Variants in IGF2BP2 observed in about 807,000 individuals in gnomAD.
IGF2BP2 encodes the protein insulin like growth factor 2 mRNA binding protein 2.
In IGF2BP2, 17 loss-of-function variants were observed where a neutral mutation model predicts 75.8. The ratio of observed to expected loss-of-function variants is 0.22; its 90% confidence interval spans 0.15 to 0.34. IGF2BP2 has a LOEUF of 0.34. Among genes scored for constraint, IGF2BP2 ranks in the 10% least tolerant of loss-of-function variants. IGF2BP2 has a pLI of 1.00. For synonymous variants in IGF2BP2, 288 were observed against 295.6 expected (o/e 0.97, Z 0.26); for missense variants, 516 against 772.4 (o/e 0.67, Z 3.93).
intron 12 of IGF2BP2, among the ~76,000 whole-genome samples, chr3:185,656,428 C>T (rs1715444141): frequency 1.3e-5 from 2 of 152,222 alleles, no homozygotes; most frequent in South Asian, 4.1e-4. Context: ...TTTTGTTTTT[C>T]CTCTAGCACA....
In IGF2BP2 at chr3:185,646,257, G is replaced by A. The variant is rs114691789; in HGVS notation, c.1708-634C>T. Among the ~76,000 whole-genome samples the A allele has an allele frequency of 3.1e-3, 476 of 152,270 alleles. 5 individuals are homozygous for A. The highest frequency in any genetic ancestry group is 0.011 in the African/African-American group (448 of 41,558). On this transcript the variant is annotated intron_variant, in intron 15 of 15. Coordinates refer to ENST00000382199, the MANE Select transcript of IGF2BP2 (RefSeq NM_006548.6). Reference sequence around the variant, plus strand: ...GAAGACTCAAGTGAGAATTTCAAAGGGCACTGGGCGGGGGGTGCGTGTGTG... The same window carrying A: ...GAAGACTCAAGTGAGAATTTCAAAGAGCACTGGGCGGGGGGTGCGTGTGTG...
At chr3:185,811,948 C>CT (rs1480028423) in intron 2 of IGF2BP2, among the ~76,000 whole-genome samples, 1 of 151,758 alleles carries the variant, frequency 6.6e-6, no homozygotes, top group East Asian at 1.9e-4. Context: ...ATTCCAAGGA[C>CT]TTTCAGGACT....
At chr3:185,669,268 A>C (rs1718144442) in intron 10 of IGF2BP2, among the ~76,000 whole-genome samples, 2 of 152,154 alleles carry the variant, frequency 1.3e-5, no homozygotes, top group South Asian at 4.1e-4. Context: ...CTGAGGAAAT[A>C]ATTGGATAAA....
intron 2 of IGF2BP2, among the ~76,000 whole-genome samples, chr3:185,773,463 T>A (rs1213409735): frequency 6.6e-6 from 1 of 152,204 alleles, no homozygotes; most frequent in African/African-American, 2.4e-5. Context: ...GAAATATACA[T>A]GAATAGATAA....
chr3:185,769,957 T>G (rs867426585), intron 2 of IGF2BP2, among the ~76,000 whole-genome samples: 7 of 152,144 alleles, frequency 4.6e-5, no homozygotes, highest in African/African-American at 1.7e-4. Flanking sequence ...CTTTTCACAT[T>G]TTATCTCTAA....
chr3:185,745,878 GA>G (rs888781143), intron 2 of IGF2BP2, among the ~76,000 whole-genome samples: 114 of 140,512 alleles, frequency 8.1e-4, no homozygotes, highest in Admixed American at 9.9e-4. Context: ...TTGTACATAA[GA>G]AAAAAAAAAA....
rs536925010 is a variant in IGF2BP2, at chr3:185,758,163, G to A, written c.240-59816C>T. ...ATATAGGCAGTCTCTGCCTTCATACGTTCATGCAACAAAACATGGGTACTG... is the reference window on the plus strand; with the variant it reads ...ATATAGGCAGTCTCTGCCTTCATACATTCATGCAACAAAACATGGGTACTG... On this transcript the variant is annotated intron_variant, in intron 2 of 15. Transcript: ENST00000382199. Among the ~76,000 whole-genome samples the A allele has an allele frequency of 1.9e-4, 29 of 152,266 alleles. No homozygotes were observed. In the South Asian group the frequency reaches 2.3e-3, roughly 12 times the overall value.
chr3:185,709,451 T>C (rs961813902), intron 2 of IGF2BP2, among the ~76,000 whole-genome samples: 1 of 152,204 alleles, frequency 6.6e-6, no homozygotes, highest in East Asian at 1.9e-4. Flanking sequence ...GGCTTCTTTT[T>C]CCTGGCCCAC....
chr3:185,788,492 A>T (rs1736184899), intron 2 of IGF2BP2, among the ~76,000 whole-genome samples: 1 of 152,164 alleles, frequency 6.6e-6, no homozygotes, highest in Non-Finnish European at 1.5e-5. Context: ...AGCCTGGGCA[A>T]CAGAGCAAGA....
intron 2 of IGF2BP2, among the ~76,000 whole-genome samples, chr3:185,726,119 T>G (rs542919184): frequency 7.3e-4 from 111 of 152,276 alleles, no homozygotes; most frequent in African/African-American, 2.4e-3. Context: ...AGATGCAGAA[T>G]TCTGAGAGTA....
intron 2 of IGF2BP2, among the ~76,000 whole-genome samples, chr3:185,738,729 G>A (rs1404430384): frequency 6.6e-6 from 1 of 152,080 alleles, no homozygotes; most frequent in African/African-American, 2.4e-5. Context: ...AAATATTCCT[G>A]GTACTTCATC....
chr3:185,703,194 C>A (rs925252417), intron 2 of IGF2BP2, among the ~76,000 whole-genome samples: 5 of 152,220 alleles, frequency 3.3e-5, no homozygotes, highest in African/African-American at 1.2e-4. Flanking sequence ...TATGTAATCC[C>A]AGCTCATCTA....
At chr3:185,718,711 A>AGTC in intron 2 of IGF2BP2, among the ~76,000 whole-genome samples, 1 of 150,910 alleles carries the variant, frequency 6.6e-6, no homozygotes, top group East Asian at 1.9e-4. Context: ...AAAAAAAAGA[A>AGTC]AGTCAGAAAC....
At chr3:185,675,459 T>C in intron 8 of IGF2BP2, 28 bp from the exon 9 acceptor site, 1 of 1,587,804 alleles carries the variant, frequency 6.3e-7, no homozygotes, top group South Asian at 1.2e-5. Flanking sequence ...AAGAGAAATT[T>C]TGTTTTCAAC....
intron 3 of IGF2BP2, among the ~76,000 whole-genome samples, chr3:185,697,910 C>A (rs778665325): frequency 6.6e-5 from 10 of 152,000 alleles, no homozygotes; most frequent in Admixed American, 2.0e-4. Context: ...TAGGAAGATC[C>A]CTGGACCCGG....
At chr3:185,778,038 T>C (rs1734738453) in intron 2 of IGF2BP2, among the ~76,000 whole-genome samples, 1 of 151,896 alleles carries the variant, frequency 6.6e-6, no homozygotes, top group African/African-American at 2.4e-5. Context: ...AAATCACAAA[T>C]GTGGAGGCTC....
At chr3:185,705,355 A>G (rs957031172) in intron 2 of IGF2BP2, among the ~76,000 whole-genome samples, 2 of 152,170 alleles carry the variant, frequency 1.3e-5, no homozygotes, top group African/African-American at 4.8e-5. Flanking sequence ...TCAGCTTCCC[A>G]AAGTGCTGGG....
intron 2 of IGF2BP2, among the ~76,000 whole-genome samples, chr3:185,748,514 T>G (rs946052256): frequency 6.6e-6 from 1 of 152,228 alleles, no homozygotes; most frequent in African/African-American, 2.4e-5. Flanking sequence ...AGTTTTAGAA[T>G]GTACTTCTAA....
chr3:185,685,028 T>G (rs1720916938), intron 7 of IGF2BP2, among the ~76,000 whole-genome samples: 1 of 152,110 alleles, frequency 6.6e-6, no homozygotes, highest in Non-Finnish European at 1.5e-5. Flanking sequence ...AGAATTTTAT[T>G]AAGTTGTTTG....
Sources: allele counts gnomAD v4.1 joint callset (sites outside exome capture counted in the v4.1 genomes callset), GRCh38; gene constraint gnomAD v4.1.1; transcripts MANE v1.5; gene names NCBI Gene and HGNC (gene_info 2026-07-23, HGNC 2026-07-21).